The following CDON variants were observed in gnomAD, a reference collection of about 807,000 sequenced individuals.
CDON encodes the protein cell adhesion associated, oncogene regulated, also known as cell adhesion molecule-related/down-regulated by oncogenes.
Under a neutral mutation model 120.9 loss-of-function variants are expected in CDON, and 73 were observed. The ratio of observed to expected loss-of-function variants is 0.60; its 90% confidence interval spans 0.50 to 0.73. The LOEUF is 0.73. Ranked by LOEUF, CDON falls within the 30% of genes least tolerant of loss-of-function variation. The pLI is 0.00. For synonymous variants in CDON, 566 were observed against 573.5 expected, an observed-to-expected ratio of 0.99 and a Z score of 0.19; for missense variants, 1,470 against 1,587.3, an observed-to-expected ratio of 0.93 and a Z score of 1.26.
intron 1 of CDON, among the ~76,000 whole-genome samples, chr11:126,055,666 A>G (rs1948664163): frequency 6.6e-6 from 1 of 152,172 alleles, no homozygotes; most frequent in Non-Finnish European, 1.5e-5. Context: ...GACAAGAGGG[A>G]CATTTATTAA....
intron 10 of CDON, among the ~76,000 whole-genome samples, chr11:126,002,415 T>C (rs1946971901): frequency 1.3e-5 from 2 of 152,196 alleles, no homozygotes; most frequent in African/African-American, 4.8e-5. Context: ...TGGCCAGACT[T>C]AGTAATTAGA....
chr11:125,958,551 A>G lies in CDON; in HGVS notation c.*2391T>C. ...ACCGCCTAAATATAAAGGCAATTAT[A>G]TATATATATATATATGTGTGTGTGT... is the stretch of plus-strand genomic sequence containing the variant. On this transcript the variant is annotated 3_prime_UTR_variant, in exon 20 of 20. Coordinates refer to ENST00000531738, the MANE Select transcript of CDON (RefSeq NM_001378964.1). The G allele has an allele frequency of 1.1e-5, 1 of 87,592 alleles. No individual in the cohort carries two copies. Among genetic ancestry groups the G allele is most frequent in the South Asian group, 4.0e-4 (1 of 2,492 alleles). The allele number at this position is 87,592 out of a possible 1,614,324, so 5.4% of individuals were successfully genotyped here. A position where few individuals can be genotyped will look rare whatever the true frequency, so the allele number is the denominator to read the frequency against.
At chr11:126,042,417 C>T (rs189790815) in intron 1 of CDON, among the ~76,000 whole-genome samples, 1 of 152,222 alleles carries the variant, frequency 6.6e-6, no homozygotes, top group Admixed American at 6.5e-5. Flanking sequence ...AAAATCTTGC[C>T]AAATAATTCT....
intron 8 of CDON, among the ~76,000 whole-genome samples, chr11:126,009,283 T>C (rs1279776542): frequency 6.6e-6 from 1 of 152,244 alleles, no homozygotes; most frequent in African/African-American, 2.4e-5. Flanking sequence ...GGAAATCGTA[T>C]GTGCACATAC....
At chr11:126,002,108 A>G (rs546945954) in intron 10 of CDON, among the ~76,000 whole-genome samples, 1 of 152,356 alleles carries the variant, frequency 6.6e-6, no homozygotes, top group East Asian at 1.9e-4. Flanking sequence ...ATGCAAAAAA[A>G]TAGGTGAAAA....
intron 10 of CDON, among the ~76,000 whole-genome samples, chr11:126,002,978 A>G (rs1481554798): frequency 6.6e-6 from 1 of 152,022 alleles, no homozygotes; most frequent in Non-Finnish European, 1.5e-5. Context: ...TTCTCTAGGG[A>G]GACACGTGGC....
At chr11:126,038,182 C>T (rs1263619681) in intron 1 of CDON, among the ~76,000 whole-genome samples, 5 of 152,138 alleles carry the variant, frequency 3.3e-5, no homozygotes, top group African/African-American at 9.7e-5. Context: ...GGGCCTTTCA[C>T]TTTACATTCA....
chr11:125,997,300 C>A lies in CDON; in HGVS notation c.2269G>T (p.Glu757Ter), dbSNP rs753123435. 6.2e-7 allele frequency: 1 copy of A among 1,614,044 alleles called. No individual in the cohort carries two copies. Among genetic ancestry groups the A allele is most frequent in the Non-Finnish European group, 8.5e-7 (1 of 1,179,962 alleles). Reference sequence around the variant, plus strand: ...TTGCTGGTCCTCATCCGTTTATATTCGACTTTGAAGGCAGTGATTGGAGAA... The same window carrying A: ...TTGCTGGTCCTCATCCGTTTATATTAGACTTTGAAGGCAGTGATTGGAGAA... ...GGSPITAFKV[E>*]YKRMRTSNWL... The change falls in exon 12 of 20, where the codon GAA becomes TAA. Residue 757 changes from glutamate to a stop codon, truncating the protein, a stop_gained. Transcript: ENST00000531738. LOFTEE classifies it high-confidence loss of function.
chr11:126,016,670 T>A (rs951945869), intron 6 of CDON, among the ~76,000 whole-genome samples: 3 of 152,124 alleles, frequency 2.0e-5, no homozygotes, highest in African/African-American at 7.2e-5. Flanking sequence ...TGGGCTCAAG[T>A]ATTCTGCCCT....
At chr11:126,009,339 C>T (rs1045390594) in intron 8 of CDON, among the ~76,000 whole-genome samples, 5 of 152,218 alleles carry the variant, frequency 3.3e-5, no homozygotes, top group East Asian at 1.9e-4. Flanking sequence ...AAGGACCCCC[C>T]GTTGACCACT....
Position 126,004,087 on chromosome 11 carries a change from G to A in CDON, c.1852-11C>T, listed in dbSNP as rs1947043741. ...AACCCCATCATCCAGCTGCCCAAGA[G>A]AAAACACACCAGAAAAGAAAAGCAG... On this transcript the variant is annotated splice_polypyrimidine_tract_variant and intron_variant, in intron 9 of 19. Transcript: ENST00000531738. 6 of 1,613,362 alleles carry A rather than the reference G, an allele frequency of 3.7e-6. No homozygotes were observed. The highest frequency in any genetic ancestry group is 4.5e-5 in the East Asian group (2 of 44,786).
chr11:125,991,703 T>C (rs535328589), intron 14 of CDON, among the ~76,000 whole-genome samples: 16 of 151,804 alleles, frequency 1.1e-4, no homozygotes, highest in African/African-American at 3.6e-4. Context: ...TCTGTTCCTG[T>C]GATTTGGAGA....
chr11:125,958,015 G>C lies in CDON; in HGVS notation c.*2927C>G, dbSNP rs1180625909. The C allele has an allele frequency of 6.6e-6, 1 of 152,270 alleles. No individual in the cohort carries two copies. Among genetic ancestry groups the C allele is most frequent in the East Asian group, 1.9e-4 (1 of 5,198 alleles). The allele number at this position is 152,270 out of a possible 1,614,324, so 9.4% of individuals were successfully genotyped here. A position where few individuals can be genotyped will look rare whatever the true frequency, so the allele number is the denominator to read the frequency against. On this transcript the variant is annotated 3_prime_UTR_variant, in exon 20 of 20. Transcript: ENST00000531738. Reference sequence around the variant, plus strand: ...AGTAAAGATCAAATTTCCAGGTGGAGGTGGTAGACAGGGGGCGTCAAGGGG... The same window carrying C: ...AGTAAAGATCAAATTTCCAGGTGGACGTGGTAGACAGGGGGCGTCAAGGGG...
chr11:126,036,605 T>C (rs1340713950), intron 1 of CDON, among the ~76,000 whole-genome samples: 2 of 152,250 alleles, frequency 1.3e-5, no homozygotes, highest in Non-Finnish European at 2.9e-5. Flanking sequence ...TCACTCTTCT[T>C]TGAAGGACTT....
At chr11:126,058,551 T>C (rs1948728206) in intron 1 of CDON, among the ~76,000 whole-genome samples, 1 of 152,106 alleles carries the variant, frequency 6.6e-6, no homozygotes, top group Non-Finnish European at 1.5e-5. Flanking sequence ...TACATGGGAG[T>C]AGGACGGAAA....
chr11:126,012,563 G>A (rs1278875082), intron 7 of CDON, among the ~76,000 whole-genome samples: 1 of 149,512 alleles, frequency 6.7e-6, no homozygotes, highest in Non-Finnish European at 1.5e-5. Flanking sequence ...TGCCATGCCT[G>A]GCTTTTTTTT....
At chr11:125,969,986 T>C (rs2134379134) in intron 18 of CDON, among the ~76,000 whole-genome samples, 1 of 152,270 alleles carries the variant, frequency 6.6e-6, no homozygotes, top group African/African-American at 2.4e-5. Context: ...AGTTGAATAT[T>C]TGTTAAGCAT....
At chr11:125,988,001 G>A (rs986864035) in intron 15 of CDON, among the ~76,000 whole-genome samples, 6 of 152,128 alleles carry the variant, frequency 3.9e-5, no homozygotes, top group Non-Finnish European at 8.8e-5. Flanking sequence ...ACTTTTTCAT[G>A]TCCTCATTTT....
At chr11:126,028,849 G>GTTACTT (rs1391138011) in intron 1 of CDON, among the ~76,000 whole-genome samples, 1 of 150,150 alleles carries the variant, frequency 6.7e-6, no homozygotes, top group Non-Finnish European at 1.5e-5. Flanking sequence ...ATATATATAT[G>GTTACTT]TTACTTTTTT....
Sources: gnomAD v4.1 joint callset for allele counts (sites outside exome capture counted in the v4.1 genomes callset) on GRCh38, gnomAD v4.1.1 for gene constraint, MANE v1.5 for transcripts, NCBI Gene and HGNC (gene_info 2026-07-23, HGNC 2026-07-21) for gene names.